The following HYDIN variants were observed in gnomAD, a reference collection of about 807,000 sequenced individuals.
HYDIN encodes the protein axonemal central pair apparatus protein HYDIN.
A neutral mutation model predicts 403.9 loss-of-function variants in HYDIN; 132 were observed. That is an observed-to-expected ratio of 0.33 (90% CI 0.28 to 0.38). The LOEUF is 0.38. Among genes scored for constraint, HYDIN ranks in the 10% least tolerant of loss-of-function variants. The pLI is 1.00. For synonymous variants in HYDIN, 1,202 were observed against 1,891.7 expected (o/e 0.64, Z 9.46); for missense variants, 2,827 against 5,009.5 (o/e 0.56, Z 13.15).
In HYDIN at chr16:71,136,066, C is replaced by T. The variant is rs559245841; in HGVS notation, c.1043+1085G>A. 3.5e-3 allele frequency among the ~76,000 whole-genome samples: 526 copies of T among 150,184 alleles called. 3 individuals carry two copies. Among genetic ancestry groups the T allele is most frequent in the African/African-American group, 0.012 (507 of 40,764 alleles). ...AAATAAAAAAGGCTGAAATAAATTC[C>T]AATGAAAGCAGCAAAAGTGTTAATT... On this transcript the variant is annotated intron_variant, in intron 8 of 85. Transcript: ENST00000393567.
intron 44 of HYDIN, 43 bp from the exon 45 acceptor site, chr16:70,936,157 AT>A: frequency 8.4e-7 from 1 of 1,187,402 alleles, no homozygotes; most frequent in Non-Finnish European, 1.3e-6. Context: ...AGGGGCCCCC[AT>A]GCCTCACCCC....
At chr16:71,159,625 C>T (rs924349992) in intron 6 of HYDIN, among the ~76,000 whole-genome samples, 2 of 101,594 alleles carry the variant, frequency 2.0e-5, no homozygotes, top group Admixed American at 2.2e-4. Context: ...CACATCATTT[C>T]CAAACTGCAA....
At chr16:70,896,219 C>T in intron 53 of HYDIN, 139 bp from the exon 54 acceptor site, 1 of 693,990 alleles carries the variant, frequency 1.4e-6, no homozygotes, top group South Asian at 2.2e-5. Context: ...CTTCGCCAAG[C>T]ATTTGGTAGG....
chr16:70,925,157 C>G (rs1329169020), intron 45 of HYDIN, among the ~76,000 whole-genome samples: 4 of 151,990 alleles, frequency 2.6e-5, no homozygotes, highest in African/African-American at 7.2e-5. Flanking sequence ...TCCAGAGCCT[C>G]AAAACGTTTT....
At chr16:70,955,009 C>A (rs1452097856) in intron 40 of HYDIN, among the ~76,000 whole-genome samples, 1 of 152,138 alleles carries the variant, frequency 6.6e-6, no homozygotes, top group African/African-American at 2.4e-5. Flanking sequence ...TGTTGGAACC[C>A]ATTCATCCCA....
At chr16:71,100,795 CAA>C (rs940102622) in intron 10 of HYDIN, among the ~76,000 whole-genome samples, 1 of 145,086 alleles carries the variant, frequency 6.9e-6, no homozygotes, top group Non-Finnish European at 1.5e-5. Context: ...CCTTATATGT[CAA>C]AAGAGGTAAT....
intron 18 of HYDIN, among the ~76,000 whole-genome samples, chr16:71,056,823 T>C (rs1164555839): frequency 6.8e-6 from 1 of 148,060 alleles, no homozygotes; most frequent in Non-Finnish European, 1.5e-5. Flanking sequence ...TTTGAAGGTT[T>C]GGTACTGTAC....
At chr16:70,879,575 G>T in intron 61 of HYDIN, 30 bp downstream of exon 61, 1 of 1,612,046 alleles carries the variant, frequency 6.2e-7, no homozygotes, top group Non-Finnish European at 8.5e-7. Flanking sequence ...CCTGCTGCAG[G>T]AGAGGGAGCT....
At chr16:71,185,265 G>A (rs912031939) in intron 2 of HYDIN, among the ~76,000 whole-genome samples, 7 of 152,076 alleles carry the variant, frequency 4.6e-5, no homozygotes, top group Admixed American at 1.3e-4. Flanking sequence ...AGAGAAAAAA[G>A]TCAAGAAATT....
chr16:70,989,812 A>G (rs1597480874), intron 25 of HYDIN, among the ~76,000 whole-genome samples: 2 of 152,216 alleles, frequency 1.3e-5, no homozygotes, highest in South Asian at 4.1e-4. Flanking sequence ...AATTCAGCTG[A>G]TATTTACTGG....
In HYDIN at chr16:70,943,852, G is replaced by A. The variant is rs554172768; in HGVS notation, c.6629C>T (p.Pro2210Leu). The change falls in exon 42 of 86, where the codon CCG (proline) becomes CTG (leucine). Residue 2210 changes from proline to leucine, a missense_variant. Transcript: ENST00000393567. ...CAGGATCTGCACGAGAAGTTCATCC[G>A]GGAGCACACAGCTCATCAGCCCGGT... ...GETGLMSCVL[P>L]DELLVQILAE... is the part of the protein sequence containing the mutation. 6.8e-6 allele frequency: 11 copies of A among 1,613,530 alleles called. No homozygotes were observed. The highest frequency in any genetic ancestry group is 1.3e-5 in the African/African-American group (1 of 75,054).
At chr16:71,224,242 A>G (rs188025817) in intron 1 of HYDIN, among the ~76,000 whole-genome samples, 211 of 152,292 alleles carry the variant, frequency 1.4e-3, no homozygotes, top group South Asian at 7.1e-3. Flanking sequence ...GAGCTAAGCT[A>G]TGAGATGCAA....
intron 1 of HYDIN, among the ~76,000 whole-genome samples, chr16:71,201,423 C>G (rs1003624966): frequency 7.9e-5 from 12 of 152,272 alleles, no homozygotes; most frequent in African/African-American, 2.9e-4. Flanking sequence ...ATCCATCCCC[C>G]CAACCTCTTG....
At chr16:71,144,637 G>C (rs2085299804) in intron 7 of HYDIN, among the ~76,000 whole-genome samples, 1 of 151,668 alleles carries the variant, frequency 6.6e-6, no homozygotes, top group Non-Finnish European at 1.5e-5. Flanking sequence ...AAACATTAAT[G>C]GGTAAAATAT....
chr16:70,834,227 C>T (rs1240923826), intron 78 of HYDIN, 63 bp from the exon 79 acceptor site: 69 of 1,123,598 alleles, frequency 6.1e-5, no homozygotes, highest in African/African-American at 9.5e-5. Flanking sequence ...CCTCGGTTCC[C>T]GGAGTTCTTG....
Position 70,970,570 on chromosome 16 carries a change from T to C in HYDIN, c.5569A>G (p.Ile1857Val). 4 of 1,338,670 alleles carry C rather than the reference T, an allele frequency of 3.0e-6. No homozygotes were observed. The highest frequency in any genetic ancestry group is 4.3e-6 in the Non-Finnish European group (4 of 940,158). The allele number at this position is 1,338,670 out of a possible 1,614,324, so 82.9% of individuals were successfully genotyped here. ...VIVKNPCNFP[I>V]EFYSLEFDQQ... The stretch of plus-strand genomic sequence containing the variant: ...TCAAATTCTAAGGAATAAAACTCAA[T>C]GGGGAAGTTGCAGGGATTCTTCACT... Residue 1857 changes from isoleucine (I) to valine (V), a missense_variant, in exon 36 of 86, where the codon ATT (isoleucine) becomes GTT (valine). Physicochemically the swap from Ile to Val is conservative, Grantham distance 29. Transcript: ENST00000393567.
intron 9 of HYDIN, among the ~76,000 whole-genome samples, chr16:71,120,877 C>T (rs548928346): frequency 3.5e-4 from 54 of 152,174 alleles, no homozygotes; most frequent in African/African-American, 1.3e-3. Context: ...GTTCTAGTTC[C>T]CAACTTACAT....
intron 6 of HYDIN, among the ~76,000 whole-genome samples, chr16:71,161,278 G>A (rs111370506): frequency 4.6e-5 from 7 of 152,054 alleles, no homozygotes; most frequent in East Asian, 1.9e-4. Context: ...GACAGGAGGC[G>A]GAGCTCAGGC....
chr16:70,809,920 G>A lies in HYDIN; in HGVS notation c.14746C>T (p.Gln4916Ter). Residue 4916 changes from glutamine to a stop codon, truncating the protein, a stop_gained, in exon 85 of 86, where the codon CAA (glutamine) becomes TAA (stop). Transcript: ENST00000393567. LOFTEE classifies it high-confidence loss of function. ...GTGGCTTTCAGATAGAGCTCATATT[G>A]GTAGTAACCCAAGTCAGTGTTGTGC... ...TLHNTDLGYYQYELYLKATPA... is the reference protein window; with the variant it reads ...TLHNTDLGYY 6.2e-7 allele frequency: 1 copy of A among 1,614,172 alleles called. No individual in the cohort carries two copies. Among genetic ancestry groups the A allele is most frequent in the Non-Finnish European group, 8.5e-7 (1 of 1,180,024 alleles).
Sources: gnomAD v4.1 joint callset for allele counts (sites outside exome capture counted in the v4.1 genomes callset) on GRCh38, gnomAD v4.1.1 for gene constraint, MANE v1.5 for transcripts, NCBI Gene and HGNC (gene_info 2026-07-23, HGNC 2026-07-21) for gene names.